Variants in MCTP1 observed in about 807,000 individuals in gnomAD.
The protein encoded by MCTP1 is multiple C2 and transmembrane domain containing 1.
Under a neutral mutation model 120.6 loss-of-function variants are expected in MCTP1, and 69 were observed. The ratio of observed to expected loss-of-function variants is 0.57; its 90% CI spans 0.47 to 0.70. MCTP1 has a LOEUF of 0.70. MCTP1 is among the 30% of genes least tolerant of loss of function. The probability of loss-of-function intolerance (pLI) is 0.00; values close to 1 mark genes in which losing one functional copy is unlikely to be tolerated. For synonymous variants in MCTP1, 529 were observed against 493.1 expected (o/e 1.07, Z -0.96); for missense variants, 1,203 against 1,248.8 (o/e 0.96, Z 0.55).
chr5:95,068,374 T>C (rs1751222693), intron 1 of MCTP1, among the ~76,000 whole-genome samples: 1 of 152,204 alleles, frequency 6.6e-6, no homozygotes, highest in Non-Finnish European at 1.5e-5. Flanking sequence ...GGTAAAATAC[T>C]TAATTCCAAC....
intron 1 of MCTP1, among the ~76,000 whole-genome samples, chr5:95,033,488 C>T (rs1298624663): frequency 6.6e-6 from 1 of 152,058 alleles, no homozygotes; most frequent in Non-Finnish European, 1.5e-5. Flanking sequence ...ATATGATTAT[C>T]TCAGTAGAAG....
At chr5:94,961,538 T>C (rs1307900162) in intron 2 of MCTP1, among the ~76,000 whole-genome samples, 1 of 152,204 alleles carries the variant, frequency 6.6e-6, no homozygotes, top group Non-Finnish European at 1.5e-5. Flanking sequence ...CTATTTCTAC[T>C]ACACCTACAA....
At chr5:95,180,873 A>T (rs886562705) in intron 1 of MCTP1, among the ~76,000 whole-genome samples, 39 of 152,054 alleles carry the variant, frequency 2.6e-4, no homozygotes, top group African/African-American at 9.2e-4. Flanking sequence ...TACTTGCCCT[A>T]GCCAAAAACT....
At chr5:94,805,780 G>A (rs953063852) in intron 17 of MCTP1, among the ~76,000 whole-genome samples, 5 of 149,912 alleles carry the variant, frequency 3.3e-5, no homozygotes, top group African/African-American at 4.9e-5. Context: ...AGGCTTAGGA[G>A]TTTGAGACTT....
intron 1 of MCTP1, among the ~76,000 whole-genome samples, chr5:95,105,183 C>A (rs148648585): frequency 6.6e-6 from 1 of 152,090 alleles, no homozygotes; most frequent in Admixed American, 6.6e-5. Context: ...TGGGATTGAA[C>A]CCAGCCAGTC....
chr5:95,142,822 T>C (rs778744760), intron 1 of MCTP1, among the ~76,000 whole-genome samples: 157 of 152,058 alleles, frequency 1.0e-3, no homozygotes, highest in East Asian at 1.2e-3. Flanking sequence ...ATAAATAAAA[T>C]AATATTTTTA....
At chr5:95,262,198 G>A (rs1481940998) in intron 1 of MCTP1, among the ~76,000 whole-genome samples, 1 of 152,198 alleles carries the variant, frequency 6.6e-6, no homozygotes, top group African/African-American at 2.4e-5. Context: ...ACCTTCATGA[G>A]TCGAGCTGAA....
At chr5:95,097,029 A>C (rs999915355) in intron 1 of MCTP1, among the ~76,000 whole-genome samples, 5 of 152,224 alleles carry the variant, frequency 3.3e-5, no homozygotes, top group African/African-American at 1.2e-4. Context: ...TTCCTATTCT[A>C]TCATGAAAGT....
intron 1 of MCTP1, among the ~76,000 whole-genome samples, chr5:95,272,602 G>C (rs1222496121): frequency 6.6e-6 from 1 of 152,212 alleles, no homozygotes; most frequent in African/African-American, 2.4e-5. Context: ...GAAAATGTCA[G>C]ATAAATAATA....
chr5:94,768,532 T>C (rs988784406), intron 19 of MCTP1, among the ~76,000 whole-genome samples: 1 of 151,628 alleles, frequency 6.6e-6, no homozygotes, highest in Non-Finnish European at 1.5e-5. Context: ...CTCAAACAAC[T>C]CAACTAAAAA....
At chr5:95,168,352 T>C (rs948528500) in intron 1 of MCTP1, among the ~76,000 whole-genome samples, 1 of 152,240 alleles carries the variant, frequency 6.6e-6, no homozygotes, top group Non-Finnish European at 1.5e-5. Flanking sequence ...TTTGTTCTTT[T>C]GGCTTAGGAT....
At chr5:94,780,151 T>C (rs74599070) in intron 18 of MCTP1, among the ~76,000 whole-genome samples, 2 of 151,958 alleles carry the variant, frequency 1.3e-5, no homozygotes, top group Admixed American at 6.6e-5. Flanking sequence ...TTTTTTTTTT[T>C]CCTGATCTTG....
chr5:95,265,838 C>A (rs1758837642), intron 1 of MCTP1, among the ~76,000 whole-genome samples: 1 of 152,116 alleles, frequency 6.6e-6, no homozygotes, highest in South Asian at 2.1e-4. Flanking sequence ...ATTTTCAATT[C>A]CTTATGTGTG....
intron 9 of MCTP1, among the ~76,000 whole-genome samples, chr5:94,911,152 A>G (rs1235166469): frequency 6.6e-6 from 1 of 152,184 alleles, no homozygotes; most frequent in Non-Finnish European, 1.5e-5. Context: ...GAAGGGACCT[A>G]AGCAGGCTGT....
At chr5:95,101,917 G>A (rs1346666250) in intron 1 of MCTP1, among the ~76,000 whole-genome samples, 1 of 152,124 alleles carries the variant, frequency 6.6e-6, no homozygotes, top group East Asian at 1.9e-4. Flanking sequence ...AACCTTACAA[G>A]TAATACTGTA....
chr5:95,178,988 CACG>C (rs1183008855), intron 1 of MCTP1, among the ~76,000 whole-genome samples: 6 of 152,100 alleles, frequency 3.9e-5, no homozygotes, highest in African/African-American at 1.2e-4. Flanking sequence ...AAAAAACAAT[CACG>C]ACTTCTGGAA....
chr5:95,150,153 G>C (rs1167635894), intron 1 of MCTP1, among the ~76,000 whole-genome samples: 1 of 152,050 alleles, frequency 6.6e-6, no homozygotes, highest in Non-Finnish European at 1.5e-5. Context: ...AATGATTTTT[G>C]ATGAAAACTT....
At chr5:94,932,092 C>G (rs531431141) in intron 5 of MCTP1, 101 bp from the exon 6 acceptor site, 6 of 756,686 alleles carry the variant, frequency 7.9e-6, no homozygotes, top group African/African-American at 3.5e-5. Context: ...CTTGAAACAG[C>G]GAACAGTTCC....
At chr5:95,100,335 T>C (rs1295657963) in intron 1 of MCTP1, among the ~76,000 whole-genome samples, 4 of 152,222 alleles carry the variant, frequency 2.6e-5, no homozygotes, top group Non-Finnish European at 5.9e-5. Context: ...TTTAGTGCTA[T>C]ATCAGCTAAA....
Sources: gnomAD v4.1 joint callset for allele counts (sites outside exome capture counted in the v4.1 genomes callset) on GRCh38, gnomAD v4.1.1 for gene constraint, MANE v1.5 for transcripts, NCBI Gene and HGNC (gene_info 2026-07-23, HGNC 2026-07-21) for gene names.